MIA2: variants seen among roughly 807,000 people sequenced by gnomAD.
MIA2 encodes melanoma inhibitory activity protein 2.
MIA2 carries 127 observed loss-of-function variants against 167.8 expected under a neutral mutation model. The observed-to-expected ratio is 0.76, with a 90% CI of 0.66 to 0.88. The LOEUF is 0.88. Among genes scored for constraint, MIA2 ranks in the 40% least tolerant of loss-of-function variants. The pLI is 0.00. For missense variants in MIA2, 1,690 were observed against 1,624.7 expected, an observed-to-expected ratio of 1.04 and a Z score of -0.69; for synonymous variants, 552 against 541.9, an observed-to-expected ratio of 1.02 and a Z score of -0.26.
rs1389748330 is a variant in MIA2, at chr14:39,348,995, T to G, written c.4072+18T>G. The stretch of plus-strand genomic sequence containing the variant: ...ATTTGCAAGTATGCTTTTTTAAACT[T>G]TTTTTTTAAAGCTCAATATGTGGTT... On this transcript the variant is annotated intron_variant, in intron 28 of 28. Coordinates refer to ENST00000640607, the MANE Select transcript of MIA2 (RefSeq NM_001329214.4). 1 of 1,601,374 alleles carries G rather than the reference T, an allele frequency of 6.2e-7. No individual in the cohort carries two copies. The highest frequency in any genetic ancestry group is 1.1e-5 in the South Asian group (1 of 90,830).
chr14:39,320,851 T>G, intron 23 of MIA2, 77 bp from the exon 24 acceptor site: 1 of 1,486,126 alleles, frequency 6.7e-7, no homozygotes, highest in Non-Finnish European at 9.2e-7. Flanking sequence ...TGATGGTAAT[T>G]GTCGAAATGG....
At chr14:39,385,015 G>T (rs554731846) in intron 23 of MIA2, among the ~76,000 whole-genome samples, 1 of 152,114 alleles carries the variant, frequency 6.6e-6, no homozygotes, top group African/African-American at 2.4e-5. Flanking sequence ...CAAGTAACAT[G>T]CTTTAATATT....
chr14:39,348,809 C>G lies in MIA2; in HGVS notation c.3904C>G (p.Pro1302Ala), dbSNP rs1414362304. ...AGCCACTGGCCCTGGCTTTGTTCCT[C>G]CACCTCTTGCTCCAATCAGAGGTCC... Reference protein sequence around the residue: ...NEATGPGFVPPPLAPIRGPLF... With the variant: ...NEATGPGFVPAPLAPIRGPLF... The change falls in exon 28 of 29, where the codon CCA becomes GCA. Residue 1302 changes from proline (P) to alanine (A), a missense_variant. Physicochemically the swap from Pro to Ala is conservative, Grantham distance 27. Coordinates refer to ENST00000640607, the MANE Select transcript of MIA2 (RefSeq NM_001329214.4). 3 of 1,613,846 alleles carry G rather than the reference C, an allele frequency of 1.9e-6. No homozygotes were observed. Among genetic ancestry groups the G allele is most frequent in the Non-Finnish European group, 2.5e-6 (3 of 1,179,876 alleles).
intron 23 of MIA2, among the ~76,000 whole-genome samples, chr14:39,367,228 G>T (rs1485277447): frequency 1.3e-5 from 2 of 152,166 alleles, no homozygotes; most frequent in Non-Finnish European, 2.9e-5. Context: ...TAGAGTGTTG[G>T]CGACCCTGTC....
intron 2 of MIA2, among the ~76,000 whole-genome samples, chr14:39,239,583 CA>C (rs546038862): frequency 6.6e-6 from 1 of 152,048 alleles, no homozygotes; most frequent in African/African-American, 2.4e-5. Context: ...AAAACAAAAA[CA>C]AAATCTATAT....
At chr14:39,325,517 G>A (rs934501393) in intron 24 of MIA2, among the ~76,000 whole-genome samples, 21 of 148,642 alleles carry the variant, frequency 1.4e-4, no homozygotes, top group African/African-American at 5.2e-4. Flanking sequence ...ACAGGCGCCT[G>A]CCACCATGCC....
chr14:39,321,918 A>ATG (rs1251009914), intron 24 of MIA2, among the ~76,000 whole-genome samples: 1 of 151,598 alleles, frequency 6.6e-6, no homozygotes, highest in Non-Finnish European at 1.5e-5. Flanking sequence ...ATGCCACCAC[A>ATG]CCTGGCTAAT....
At chr14:39,300,035 C>G (rs753661929) in intron 14 of MIA2, 49 bp downstream of exon 14, 4 of 1,562,858 alleles carry the variant, frequency 2.6e-6, no homozygotes, top group Admixed American at 2.2e-5. Context: ...GAATTTTACA[C>G]TAACTCTGAA....
intron 26 of MIA2, chr14:39,346,909 A>G (rs1482407360): frequency 6.1e-6 from 2 of 327,326 alleles, no homozygotes; most frequent in South Asian, 2.5e-5. Flanking sequence ...CTCAGCCTGG[A>G]AAGTCAGTAT....
At chr14:39,382,365 C>T (rs984885314) in intron 23 of MIA2, among the ~76,000 whole-genome samples, 7 of 152,210 alleles carry the variant, frequency 4.6e-5, no homozygotes, top group Non-Finnish European at 8.8e-5. Context: ...TGAGCCCCTT[C>T]CTGGTCACAA....
intron 9 of MIA2, among the ~76,000 whole-genome samples, chr14:39,285,824 C>A (rs1196762519): frequency 6.7e-6 from 1 of 148,686 alleles, no homozygotes; most frequent in South Asian, 2.1e-4. Flanking sequence ...CGGGCAGAGA[C>A]GCTCCTCACC....
At position 39,269,074 on chromosome 14, in the gene MIA2, G is replaced by GTTTTTTTTTTTTTTTTTT. The variant is rs3065036; in HGVS notation, c.1888-7852_1888-7835dup. 9.8e-5 allele frequency: 57 copies of GTTTTTTTTTTTTTTTTTT among 583,226 alleles called. 9 individuals carry two copies. Among genetic ancestry groups the GTTTTTTTTTTTTTTTTTT allele is most frequent in the Non-Finnish European group, 1.0e-4 (51 of 497,176 alleles). The allele number at this position is 583,226 out of a possible 1,614,324, so 36.1% of individuals were successfully genotyped here. A position where few individuals can be genotyped will look rare whatever the true frequency, so the allele number is the denominator to read the frequency against. On this transcript the variant is annotated intron_variant, in intron 6 of 28. Coordinates refer to ENST00000640607, the MANE Select transcript of MIA2 (RefSeq NM_001329214.4). ...GGTGCGTTGTATCTTCACCTGCACA[G>GTTTTTTTTTTTTTTTTTT]TTTTTTTTTTTTTTTTTTTTTTTTT... is the stretch of plus-strand genomic sequence containing the variant.
intron 1 of MIA2, among the ~76,000 whole-genome samples, chr14:39,236,676 A>G (rs2053761175): frequency 6.6e-6 from 1 of 152,128 alleles, no homozygotes; most frequent in East Asian, 1.9e-4. Flanking sequence ...GTGTGAAGGG[A>G]TAGGAAGAGG....
chr14:39,383,629 C>T (rs2075212998), intron 23 of MIA2, among the ~76,000 whole-genome samples: 2 of 152,098 alleles, frequency 1.3e-5, no homozygotes, highest in Non-Finnish European at 2.9e-5. Flanking sequence ...GCCTCTTGTG[C>T]CAAACAGCCA....
chr14:39,325,560 G>A (rs2067345152), intron 24 of MIA2, among the ~76,000 whole-genome samples: 1 of 150,038 alleles, frequency 6.7e-6, no homozygotes, highest in Non-Finnish European at 1.5e-5. Flanking sequence ...GTAGAGATGG[G>A]GTTTCACCTT....
chr14:39,288,455 A>ATTT lies in MIA2; in HGVS notation c.2131-2563_2131-2562insTTT, dbSNP rs1566747448. 4.3e-3 allele frequency among the ~76,000 whole-genome samples: 68 copies of ATTT among 15,780 alleles called. 9 individuals carry two copies. Among genetic ancestry groups the ATTT allele is most frequent in the Middle Eastern group, 0.042 (1 of 24 alleles). The allele number at this position is 15,780 out of a possible 152,430, so 10.4% of individuals were successfully genotyped here. A position where few individuals can be genotyped will look rare whatever the true frequency, so the allele number is the denominator to read the frequency against. ...TACATATATATATATATATATATAT[A>ATTT]TATATATATATATATATATATTTTT... On this transcript the variant is annotated intron_variant, in intron 9 of 28. Coordinates refer to ENST00000640607, the MANE Select transcript of MIA2 (RefSeq NM_001329214.4).
intron 13 of MIA2, 148 bp from the exon 14 acceptor site, chr14:39,299,712 ATGTG>A (rs752458311): frequency 5.0e-6 from 3 of 601,764 alleles, no homozygotes; most frequent in East Asian, 3.3e-5. Context: ...TAGTTGAAGA[ATGTG>A]TGTGTTATTT....
At chr14:39,386,873 C>G in intron 23 of MIA2, 3 of 843,932 alleles carry the variant, frequency 3.6e-6, no homozygotes, top group Non-Finnish European at 4.1e-6. Context: ...GGCGGTCGTT[C>G]TCTCTCACCA....
Position 39,234,013 on chromosome 14 carries a change from A to T in MIA2, c.-102A>T. ...AAAACTTCAACCCTTTTTCTCTTATAGTTAGTGAAGAGAGTAGAATATCTC... is the reference window on the plus strand; with the variant it reads ...AAAACTTCAACCCTTTTTCTCTTATTGTTAGTGAAGAGAGTAGAATATCTC... On this transcript the variant is annotated 5_prime_UTR_variant, in exon 1 of 29. Transcript: ENST00000640607. The T allele has an allele frequency of 1.7e-6, 1 of 595,208 alleles. No homozygotes were observed. The highest frequency in any genetic ancestry group is 3.6e-5 in the Admixed American group (1 of 27,674). 36.9% of individuals were successfully genotyped at this position (595,208 alleles called of 1,614,324 possible).
Sources: gnomAD v4.1 joint callset for allele counts (sites outside exome capture counted in the v4.1 genomes callset) on GRCh38, gnomAD v4.1.1 for gene constraint, MANE v1.5 for transcripts, NCBI Gene and HGNC (gene_info 2026-07-23, HGNC 2026-07-21) for gene names.